Variants in DLG2 observed in about 807,000 individuals in gnomAD.
DLG2 encodes the protein disks large homolog 2.
DLG2 carries 45 observed loss-of-function variants against 132.5 expected under a neutral mutation model. That is an observed-to-expected ratio of 0.34 (90% CI 0.27 to 0.44). The LOEUF is 0.44. Ranked by LOEUF, DLG2 falls within the 20% of genes least tolerant of loss-of-function variation. DLG2 has a pLI of 1.00. For synonymous variants in DLG2, 424 were observed against 419.6 expected, an observed-to-expected ratio of 1.01 and a Z score of -0.13; for missense variants, 1,045 against 1,196.9, an observed-to-expected ratio of 0.87 and a Z score of 1.87.
At chr11:83,588,671 T>G (rs1340860044) in intron 19 of DLG2, among the ~76,000 whole-genome samples, 3 of 151,372 alleles carry the variant, frequency 2.0e-5, no homozygotes, top group African/African-American at 7.3e-5. Flanking sequence ...AGAAGAAGGC[T>G]TCAGACGATC....
intron 7 of DLG2, among the ~76,000 whole-genome samples, chr11:84,516,106 A>T (rs934960796): frequency 1.4e-5 from 2 of 147,296 alleles, no homozygotes; most frequent in African/African-American, 5.1e-5. Flanking sequence ...AGGCAAGTTT[A>T]TAGCAATAAA....
chr11:85,512,057 T>C (rs1034865974), intron 3 of DLG2, among the ~76,000 whole-genome samples: 2 of 152,128 alleles, frequency 1.3e-5, no homozygotes, highest in African/African-American at 4.8e-5. Context: ...CATAATATTA[T>C]ATAATAGGAG....
intron 15 of DLG2, among the ~76,000 whole-genome samples, chr11:83,908,541 C>T (rs1565595631): frequency 6.6e-6 from 1 of 152,108 alleles, no homozygotes; most frequent in Non-Finnish European, 1.5e-5. Context: ...GCATATTTTT[C>T]ATCTGCCTCA....
chr11:84,790,302 CATT>C (rs1317176188), intron 6 of DLG2, among the ~76,000 whole-genome samples: 1 of 152,082 alleles, frequency 6.6e-6, no homozygotes, highest in Non-Finnish European at 1.5e-5. Context: ...GATGATATCT[CATT>C]GTAGTTTTGA....
intron 6 of DLG2, among the ~76,000 whole-genome samples, chr11:84,843,707 T>A (rs1356685970): frequency 2.0e-5 from 3 of 151,872 alleles, no homozygotes; most frequent in Admixed American, 1.3e-4. Flanking sequence ...GGTAATGCTA[T>A]GGAAATAGTT....
At chr11:84,678,879 T>C (rs2099721627) in intron 6 of DLG2, among the ~76,000 whole-genome samples, 1 of 152,074 alleles carries the variant, frequency 6.6e-6, no homozygotes, top group Non-Finnish European at 1.5e-5. Flanking sequence ...GATTTTTAAT[T>C]TGTGATATAG....
intron 4 of DLG2, among the ~76,000 whole-genome samples, chr11:85,267,980 T>G (rs982620068): frequency 6.6e-6 from 1 of 152,148 alleles, no homozygotes; most frequent in South Asian, 2.1e-4. Flanking sequence ...ATGAATATGT[T>G]TGCCAATGGC....
chr11:84,186,737 A>AT (rs1241915050), intron 8 of DLG2, among the ~76,000 whole-genome samples: 1 of 152,000 alleles, frequency 6.6e-6, no homozygotes, highest in African/African-American at 2.4e-5. Flanking sequence ...ATGAGAATGG[A>AT]TTTTTTGAAC....
intron 18 of DLG2, among the ~76,000 whole-genome samples, chr11:83,720,390 A>G (rs2088165790): frequency 6.7e-6 from 1 of 150,324 alleles, no homozygotes; most frequent in East Asian, 2.0e-4. Flanking sequence ...CTGTTTCTCA[A>G]GCTTTTCCAC....
chr11:83,747,290 TCC>T (rs2092980275), intron 18 of DLG2, among the ~76,000 whole-genome samples: 1 of 140,032 alleles, frequency 7.1e-6, no homozygotes, highest in East Asian at 2.0e-4. Flanking sequence ...CTTCCTTCCT[TCC>T]TTCCTTCCTT....
chr11:84,821,660 CA>C (rs932793326), intron 6 of DLG2, among the ~76,000 whole-genome samples: 14 of 130,504 alleles, frequency 1.1e-4, no homozygotes, highest in African/African-American at 3.9e-4. Flanking sequence ...ACAAAAAAAA[CA>C]AAAAAACAAC....
chr11:84,145,161 G>T (rs544933112), intron 9 of DLG2, among the ~76,000 whole-genome samples: 9 of 152,280 alleles, frequency 5.9e-5, no homozygotes, highest in Admixed American at 6.5e-5. Context: ...ATACAGCTTT[G>T]TCATTTCTAT....
chr11:85,180,518 C>G (rs530102609), intron 4 of DLG2, among the ~76,000 whole-genome samples: 2 of 151,944 alleles, frequency 1.3e-5, no homozygotes, highest in East Asian at 3.9e-4. Context: ...AAACTGCATA[C>G]TTAATAAAAA....
intron 19 of DLG2, among the ~76,000 whole-genome samples, chr11:83,553,711 G>A (rs900808782): frequency 5.9e-5 from 9 of 151,996 alleles, no homozygotes; most frequent in Non-Finnish European, 1.5e-5. Context: ...GTAAGGTTCT[G>A]TTCAGTAGCT....
chr11:83,643,238 A>T (rs2067111140), intron 18 of DLG2, among the ~76,000 whole-genome samples: 1 of 152,232 alleles, frequency 6.6e-6, no homozygotes, highest in Non-Finnish European at 1.5e-5. Flanking sequence ...GTGGAATTAG[A>T]TTCCTGTCTT....
chr11:85,122,567 T>G (rs2074447330), intron 5 of DLG2, among the ~76,000 whole-genome samples: 1 of 152,084 alleles, frequency 6.6e-6, no homozygotes, highest in African/African-American at 2.4e-5. Flanking sequence ...GCAGACTTTA[T>G]CTTGAAGGGC....
intron 3 of DLG2, among the ~76,000 whole-genome samples, chr11:85,379,702 C>A (rs2085719007): frequency 6.6e-6 from 1 of 152,172 alleles, no homozygotes; most frequent in Non-Finnish European, 1.5e-5. Context: ...TCCCACAACA[C>A]AAAAGCCTAG....
rs186928168 is a variant in DLG2 at position 85,120,836 on chromosome 11, C to T, written c.283-9101G>A. Among the ~76,000 whole-genome samples, 650 of 152,138 alleles carry T rather than the reference C, an allele frequency of 4.3e-3. 2 individuals carry two copies. The highest frequency in any genetic ancestry group is 7.1e-3 in the Non-Finnish European group (480 of 67,900). Reference sequence around the variant, plus strand: ...AATGGTCTTCGAGGAGACTCTACTGCTAACTACATTGCTGCTTGGTAAAGT... The same window carrying T: ...AATGGTCTTCGAGGAGACTCTACTGTTAACTACATTGCTGCTTGGTAAAGT... On this transcript the variant is annotated intron_variant, in intron 5 of 27. Transcript: ENST00000376104.
At chr11:85,204,498 A>G (rs564008001) in intron 4 of DLG2, among the ~76,000 whole-genome samples, 2 of 152,300 alleles carry the variant, frequency 1.3e-5, no homozygotes, top group East Asian at 1.9e-4. Context: ...GATCTCTTCA[A>G]TGACAATTAT....
Sources: gnomAD v4.1 joint callset for allele counts (sites outside exome capture counted in the v4.1 genomes callset) on GRCh38, gnomAD v4.1.1 for gene constraint, MANE v1.5 for transcripts, NCBI Gene and HGNC (gene_info 2026-07-23, HGNC 2026-07-21) for gene names.